Variants in PNISR observed in about 807,000 individuals in gnomAD.
The protein encoded by PNISR is arginine/serine-rich protein PNISR.
Under a neutral mutation model 93.4 loss-of-function variants are expected in PNISR, and 20 were observed. That is an observed-to-expected ratio of 0.21 (90% CI 0.15 to 0.31). The LOEUF is 0.31. Ranked by LOEUF, PNISR falls within the 10% of genes least tolerant of loss-of-function variation. The pLI, the probability that PNISR is intolerant of heterozygous loss-of-function variation, is 1.00. For synonymous variants in PNISR, 305 were observed against 306.5 expected, an observed-to-expected ratio of 0.99 and a Z score of 0.05; for missense variants, 893 against 985.4, an observed-to-expected ratio of 0.91 and a Z score of 1.25.
chr6:99,412,040 A>ATTCC (rs769767807), intron 4 of PNISR: 12 of 312,650 alleles, frequency 3.8e-5, no homozygotes, highest in Admixed American at 8.0e-5. Context: ...TGTGAAATAA[A>ATTCC]ACAAACAAAA....
At chr6:99,403,003 G>A (rs1775718561) in intron 10 of PNISR, 1 of 217,756 alleles carries the variant, frequency 4.6e-6, no homozygotes, top group Admixed American at 5.7e-5. Flanking sequence ...CTACTTAACA[G>A]GGCAGTAACA....
intron 9 of PNISR, chr6:99,404,201 A>C: frequency 2.6e-6 from 1 of 378,594 alleles, no homozygotes; most frequent in East Asian, 5.5e-5. Context: ...TAGGGGTAGG[A>C]AATCACTTGC....
chr6:99,417,615 T>TC (rs1231381756), intron 1 of PNISR, among the ~76,000 whole-genome samples: 1 of 152,146 alleles, frequency 6.6e-6, no homozygotes, highest in African/African-American at 2.4e-5. Flanking sequence ...ACTAGAGCTT[T>TC]CCCACCATCA....
Position 99,401,508 on chromosome 6 carries a change from T to G in PNISR, c.1450A>C (p.Arg484=). 6.2e-7 allele frequency: 1 copy of G among 1,613,280 alleles called. No individual in the cohort carries two copies. The highest frequency in any genetic ancestry group is 8.5e-7 in the Non-Finnish European group (1 of 1,179,842). ...ADGDVVNEKK[R]TPNETTSVLE... Reference sequence around the variant, plus strand: ...ACTGATGTGGTTTCATTTGGAGTTCTCTTCTTTTCATTAACCACATCACCG... The same window carrying G: ...ACTGATGTGGTTTCATTTGGAGTTCGCTTCTTTTCATTAACCACATCACCG... Residue 484 remains arginine (R), a synonymous_variant, in exon 12 of 12, where the codon AGA becomes CGA. Coordinates refer to ENST00000369239, the MANE Select transcript of PNISR (RefSeq NM_032870.4).
chr6:99,417,703 C>T (rs1167818886), intron 1 of PNISR, among the ~76,000 whole-genome samples: 5 of 152,050 alleles, frequency 3.3e-5, no homozygotes, highest in African/African-American at 1.2e-4. Context: ...CGGTAGCTCA[C>T]GTGTGTAATC....
chr6:99,416,704 G>C (rs1010743575), intron 1 of PNISR, among the ~76,000 whole-genome samples: 2 of 150,966 alleles, frequency 1.3e-5, no homozygotes, highest in Non-Finnish European at 2.9e-5. Flanking sequence ...ACAATTTAGA[G>C]ATTGAGAAAA....
chr6:99,416,496 A>C (rs1005039357), intron 1 of PNISR, 68 bp from the exon 2 acceptor site: 6 of 497,378 alleles, frequency 1.2e-5, no homozygotes. Context: ...AATTCTAGAG[A>C]TGCAACATAA....
At chr6:99,412,858 G>T (rs928554069) in intron 3 of PNISR, 119 bp from the exon 4 acceptor site, 3 of 604,840 alleles carry the variant, frequency 5.0e-6, no homozygotes, top group Middle Eastern at 2.8e-4. Flanking sequence ...GACAGAGAGG[G>T]TATGAGGGAA....
At chr6:99,425,099 G>C (rs1332015904) in intron 1 of PNISR, 116 bp downstream of exon 1, 2 of 571,238 alleles carry the variant, frequency 3.5e-6, no homozygotes, top group Non-Finnish European at 5.2e-6. Context: ...AGGTTCCAGC[G>C]GTCGCGCCAA....
intron 1 of PNISR, among the ~76,000 whole-genome samples, chr6:99,418,894 AT>A (rs1778100904): frequency 6.6e-6 from 1 of 152,170 alleles, no homozygotes; most frequent in Non-Finnish European, 1.5e-5. Flanking sequence ...CACGCCTGTA[AT>A]CCTAGCACTT....
rs563035793 is a variant in PNISR at position 99,402,703 on chromosome 6, C to T, written c.1164G>A (p.Leu388=). The change falls in exon 11 of 12, where the codon CTG becomes CTA. Residue 388 remains leucine (L), a synonymous_variant. Coordinates refer to ENST00000369239, the MANE Select transcript of PNISR (RefSeq NM_032870.4). ...ALASLTGLGG[L]GGYGSGDSED... ...CACTGTCTCCTGATCCATAACCACCCAGTCCACCTGTGTGCATAAAGCTCA... is the reference window on the plus strand; with the variant it reads ...CACTGTCTCCTGATCCATAACCACCTAGTCCACCTGTGTGCATAAAGCTCA... The T allele has an allele frequency of 1.1e-5, 17 of 1,589,330 alleles. No individual in the cohort carries two copies. The South Asian group carries it at 2.0e-4, about 18-fold the overall frequency.
chr6:99,412,621 T>C lies in PNISR; in HGVS notation c.207A>G (p.Thr69=), dbSNP rs146014245. 5.6e-6 allele frequency: 9 copies of C among 1,612,420 alleles called. No homozygotes were observed. Among genetic ancestry groups the C allele is most frequent in the Non-Finnish European group, 7.6e-6 (9 of 1,179,260 alleles). Residue 69 remains threonine, a synonymous_variant, in exon 4 of 12, where the codon ACA becomes ACG. Transcript: ENST00000369239. ...GMMPNGQDMS[T]MESGPNNHGN... ...CATGATTGTTTGGACCAGATTCCAT[T>C]GTAGACATATCTTGTCCATTTGGCA...
intron 4 of PNISR, chr6:99,412,063 C>A: frequency 6.5e-6 from 2 of 305,380 alleles, no homozygotes; most frequent in Middle Eastern, 1.2e-3. Context: ...GTAAAACACA[C>A]AAAAACTTAT....
chr6:99,418,867 G>C (rs1778094665), intron 1 of PNISR, among the ~76,000 whole-genome samples: 1 of 152,114 alleles, frequency 6.6e-6, no homozygotes, highest in Admixed American at 6.6e-5. Flanking sequence ...ACAATTTACT[G>C]GCTGGGCACG....
rs201411308 is a variant in PNISR at position 99,409,174 on chromosome 6, A to G, written c.672T>C (p.Ile224=). 3 of 1,612,894 alleles carry G rather than the reference A, an allele frequency of 1.9e-6. No individual in the cohort carries two copies. In the East Asian group the frequency reaches 6.7e-5, roughly 36 times the overall value. ...ALPVKQEPPQ[I]DAVKRRTLPA... The stretch of plus-strand genomic sequence containing the variant: ...CACTAAACTAAGTTAAATAGCTACC[A>G]ATTTGTGGAGGCTCCTGCTTCACAG... Residue 224 remains isoleucine, a splice_region_variant and synonymous_variant, in exon 6 of 12, where the codon ATT becomes ATC. Coordinates refer to ENST00000369239, the MANE Select transcript of PNISR (RefSeq NM_032870.4).
chr6:99,401,846 A>G (rs1393812854), intron 11 of PNISR, among the ~76,000 whole-genome samples: 1 of 152,252 alleles, frequency 6.6e-6, no homozygotes, highest in Non-Finnish European at 1.5e-5. Context: ...TATCATTTCA[A>G]CACATAATAA....
intron 1 of PNISR, among the ~76,000 whole-genome samples, chr6:99,420,011 A>C (rs1778329149): frequency 6.6e-6 from 1 of 151,820 alleles, no homozygotes; most frequent in South Asian, 2.1e-4. Context: ...CAGCCTCCCG[A>C]GTAGCTGGGA....
Position 99,402,704 on chromosome 6 carries a change from A to C in PNISR, c.1163T>G (p.Leu388Arg). The C allele has an allele frequency of 6.3e-7, 1 of 1,580,190 alleles. No homozygotes were observed. Among genetic ancestry groups the C allele is most frequent in the Non-Finnish European group, 8.6e-7 (1 of 1,159,124 alleles). ...ALASLTGLGGLGGYGSGDSED... is the reference protein window; with the variant it reads ...ALASLTGLGGRGGYGSGDSED... The stretch of plus-strand genomic sequence containing the variant: ...ACTGTCTCCTGATCCATAACCACCC[A>C]GTCCACCTGTGTGCATAAAGCTCAG... The change falls in exon 11 of 12, where the codon CTG becomes CGG. Residue 388 changes from leucine (L) to arginine (R), a missense_variant. By Grantham distance (102) the Leu-to-Arg change is moderately radical. Coordinates refer to ENST00000369239, the MANE Select transcript of PNISR (RefSeq NM_032870.4).
chr6:99,404,272 C>A, intron 9 of PNISR: 1 of 361,758 alleles, frequency 2.8e-6, no homozygotes, highest in Non-Finnish European at 5.1e-6. Context: ...ATTCATTAGT[C>A]AAAATAAACT....
Sources: allele counts gnomAD v4.1 joint callset (sites outside exome capture counted in the v4.1 genomes callset), GRCh38; gene constraint gnomAD v4.1.1; transcripts MANE v1.5; gene names NCBI Gene and HGNC (gene_info 2026-07-23, HGNC 2026-07-21).